Variants in TGFA observed in about 807,000 individuals in gnomAD.
TGFA encodes transforming growth factor alpha.
Under a neutral mutation model 21.7 loss-of-function variants are expected in TGFA, and 12 were observed. That is an observed-to-expected ratio of 0.55 (90% CI 0.35 to 0.90). The LOEUF (loss-of-function observed/expected upper bound fraction) is 0.90. TGFA is among the 40% of genes least tolerant of loss of function. The probability of loss-of-function intolerance (pLI) is 0.01; values close to 1 mark genes in which losing one functional copy is unlikely to be tolerated. For synonymous variants in TGFA, 79 were observed against 88.1 expected, an observed-to-expected ratio of 0.90 and a Z score of 0.58; for missense variants, 178 against 210.8, an observed-to-expected ratio of 0.84 and a Z score of 0.96.
chr2:70,546,692 G>A (rs574861734), intron 1 of TGFA, among the ~76,000 whole-genome samples: 25 of 151,694 alleles, frequency 1.6e-4, no homozygotes, highest in African/African-American at 5.6e-4. Context: ...ATCTCACTGG[G>A]AGCTGCAGAC....
chr2:70,515,248 C>T (rs782634027), intron 1 of TGFA, among the ~76,000 whole-genome samples: 30 of 152,058 alleles, frequency 2.0e-4, no homozygotes, highest in Non-Finnish European at 3.8e-4. Context: ...GGAAAATATA[C>T]GTAACATAAA....
intron 1 of TGFA, among the ~76,000 whole-genome samples, chr2:70,536,697 C>T (rs1416294259): frequency 6.6e-6 from 1 of 152,144 alleles, no homozygotes; most frequent in African/African-American, 2.4e-5. Context: ...GCAGCAAAAG[C>T]AGTGCTTAGA....
intron 2 of TGFA, among the ~76,000 whole-genome samples, chr2:70,494,992 C>T (rs1671538370): frequency 6.6e-6 from 1 of 152,134 alleles, no homozygotes; most frequent in South Asian, 2.1e-4. Context: ...TTTCTGTTTT[C>T]AATGCTCTGA....
chr2:70,493,867 G>A (rs1239011420), intron 2 of TGFA, among the ~76,000 whole-genome samples: 2 of 152,142 alleles, frequency 1.3e-5, no homozygotes, highest in Non-Finnish European at 2.9e-5. Flanking sequence ...TCGTGTATAC[G>A]CTCTACATTA....
chr2:70,480,291 G>C (rs1553495220), intron 2 of TGFA, among the ~76,000 whole-genome samples: 1 of 152,130 alleles, frequency 6.6e-6, no homozygotes, highest in African/African-American at 2.4e-5. Context: ...CAGATGGCCT[G>C]CCCTCACCCT....
chr2:70,457,028 T>C (rs1670255261), intron 3 of TGFA, among the ~76,000 whole-genome samples: 1 of 152,178 alleles, frequency 6.6e-6, no homozygotes, highest in African/African-American at 2.4e-5. Context: ...ATCACTACTC[T>C]CCTGTGAACT....
rs570060245 is a variant in TGFA, at chr2:70,465,453, G to T, written c.215+163C>A. Among the ~76,000 whole-genome samples the T allele has an allele frequency of 2.0e-5, 3 of 152,234 alleles. No individual in the cohort carries two copies. The East Asian group carries it at 5.8e-4, about 29-fold the overall frequency. ...TGGAACCTGGATTTTTAGACATCTG[G>T]TTTTGAAAAAGGTGTCCCTCAGCCC... On this transcript the variant is annotated intron_variant, in intron 3 of 5. Transcript: ENST00000295400.
At chr2:70,522,742 C>A (rs910539769) in intron 1 of TGFA, among the ~76,000 whole-genome samples, 6 of 152,156 alleles carry the variant, frequency 3.9e-5, no homozygotes, top group South Asian at 2.1e-4. Flanking sequence ...CAGGGGTACA[C>A]GTGCAGGATG....
Position 70,448,017 on chromosome 2 carries a change from C to T in TGFA, c.*2842G>A, listed in dbSNP as rs894961315. Reference sequence around the variant, plus strand: ...AGAAGCTCCAGAAGCACAAATTCTCCTCCCTTACCAGTGTGGGTGGGTGAG... The same window carrying T: ...AGAAGCTCCAGAAGCACAAATTCTCTTCCCTTACCAGTGTGGGTGGGTGAG... On this transcript the variant is annotated 3_prime_UTR_variant, in exon 6 of 6. Coordinates refer to ENST00000295400, the MANE Select transcript of TGFA (RefSeq NM_003236.4). The T allele has an allele frequency of 1.3e-5, 2 of 152,224 alleles. No homozygotes were observed. The highest frequency in any genetic ancestry group is 4.8e-5 in the African/African-American group (2 of 41,448). 9.4% of individuals were successfully genotyped at this position (152,224 alleles called of 1,614,324 possible).
chr2:70,523,090 A>G (rs1672523010), intron 1 of TGFA, among the ~76,000 whole-genome samples: 1 of 152,212 alleles, frequency 6.6e-6, no homozygotes, highest in Non-Finnish European at 1.5e-5. Context: ...TGTCATCCTT[A>G]TCCAAAGCCC....
At chr2:70,506,627 C>T (rs1326033443) in intron 2 of TGFA, among the ~76,000 whole-genome samples, 2 of 152,214 alleles carry the variant, frequency 1.3e-5, no homozygotes, top group African/African-American at 2.4e-5. Flanking sequence ...GCAGCAGCAG[C>T]TAACACTTAG....
intron 1 of TGFA, among the ~76,000 whole-genome samples, chr2:70,523,675 ATCAGGTCAC>A (rs1199174508): frequency 6.6e-6 from 1 of 152,146 alleles, no homozygotes; most frequent in East Asian, 1.9e-4. Context: ...TGGGTATAAG[ATCAGGTCAC>A]TCACATGGAC....
At chr2:70,465,539 A>G (rs1335836172) in intron 3 of TGFA, 77 bp downstream of exon 3, 1 of 1,581,668 alleles carries the variant, frequency 6.3e-7, no homozygotes, top group Non-Finnish European at 8.6e-7. Flanking sequence ...GGCAAGTCTT[A>G]TGGAGGTAAA....
intron 1 of TGFA, among the ~76,000 whole-genome samples, chr2:70,534,615 T>C (rs975765848): frequency 2.0e-5 from 3 of 152,248 alleles, no homozygotes; most frequent in Non-Finnish European, 4.4e-5. Context: ...TAATAAAATA[T>C]GTCAAATAGC....
chr2:70,466,578 A>G (rs999453827), intron 2 of TGFA, among the ~76,000 whole-genome samples: 1 of 152,190 alleles, frequency 6.6e-6, no homozygotes, highest in East Asian at 1.9e-4. Flanking sequence ...GAAATTAGAC[A>G]TGAAGGAGTC....
chr2:70,529,011 G>T (rs747706972), intron 1 of TGFA, among the ~76,000 whole-genome samples: 2 of 152,222 alleles, frequency 1.3e-5, no homozygotes, highest in Non-Finnish European at 2.9e-5. Flanking sequence ...GTGAAAATGT[G>T]TAGCAAGCAG....
chr2:70,486,831 C>T (rs868990244), intron 2 of TGFA, among the ~76,000 whole-genome samples: 1 of 151,990 alleles, frequency 6.6e-6, no homozygotes, highest in Admixed American at 6.6e-5. Context: ...GGCACGATCT[C>T]GGCTCACTGC....
chr2:70,458,212 C>T (rs1007538125), intron 3 of TGFA, among the ~76,000 whole-genome samples: 3 of 152,074 alleles, frequency 2.0e-5, no homozygotes, highest in African/African-American at 2.4e-5. Flanking sequence ...GAGGCGGAGG[C>T]GAAGAGTGGG....
At position 70,553,399 on chromosome 2, in the gene TGFA, A is replaced by T. The variant is rs548670966; in HGVS notation, c.40+329T>A. 3,278 of 1,449,164 alleles carry T rather than the reference A, an allele frequency of 2.3e-3. 7 individuals carry two copies. The highest frequency in any genetic ancestry group is 2.7e-3 in the Admixed American group (98 of 35,758). 89.8% of individuals were successfully genotyped at this position (1,449,164 alleles called of 1,614,324 possible). On this transcript the variant is annotated intron_variant, in intron 1 of 5. Transcript: ENST00000295400. ...CGGGCTTGGAGGCAGCCAGGTAAGC[A>T]GGTAGGTGTAGGCATGTGTCTGAGC...
Sources: allele counts gnomAD v4.1 joint callset (sites outside exome capture counted in the v4.1 genomes callset), GRCh38; gene constraint gnomAD v4.1.1; transcripts MANE v1.5; gene names NCBI Gene and HGNC (gene_info 2026-07-23, HGNC 2026-07-21).